Variants in SOBP observed in about 807,000 individuals in gnomAD.
SOBP encodes sine oculis-binding protein homolog.
A neutral mutation model predicts 53.6 loss-of-function variants in SOBP; 4 were observed. The observed-to-expected ratio is 0.07, with a 90% confidence interval of 0.04 to 0.17. The LOEUF (loss-of-function observed/expected upper bound fraction) is 0.17. Ranked by LOEUF, SOBP falls within the 10% of genes least tolerant of loss-of-function variation. The pLI is 1.00. For synonymous variants in SOBP, 584 were observed against 522.6 expected, an observed-to-expected ratio of 1.12 and a Z score of -1.60; for missense variants, 1,088 against 1,204.7, an observed-to-expected ratio of 0.90 and a Z score of 1.43.
At chr6:107,596,356 G>A (rs886377831) in intron 5 of SOBP, among the ~76,000 whole-genome samples, 10 of 152,092 alleles carry the variant, frequency 6.6e-5, no homozygotes, top group Non-Finnish European at 1.2e-4. Flanking sequence ...GGAGGTGGAC[G>A]CTTAAGAATT....
In SOBP at chr6:107,628,142, G is replaced by A. The variant is rs548186433; in HGVS notation, c.670-5372G>A. Among the ~76,000 whole-genome samples the A allele has an allele frequency of 9.8e-5, 15 of 152,372 alleles. No individual in the cohort carries two copies. In the East Asian group the frequency reaches 2.9e-3, roughly 29 times the overall value. On this transcript the variant is annotated intron_variant, in intron 5 of 6. Transcript: ENST00000317357. ...TTCAAACAGCAGTTGAGCCGAAGAGGAATGATTCATTTTAATGGTTCTAAC... is the reference window on the plus strand; with the variant it reads ...TTCAAACAGCAGTTGAGCCGAAGAGAAATGATTCATTTTAATGGTTCTAAC...
chr6:107,606,266 A>T (rs1014906836), intron 5 of SOBP, among the ~76,000 whole-genome samples: 30 of 151,742 alleles, frequency 2.0e-4, no homozygotes, highest in African/African-American at 7.3e-4. Flanking sequence ...TAGTAGAGAC[A>T]GGGTTTCACC....
chr6:107,579,123 T>C (rs1435194196), intron 4 of SOBP, among the ~76,000 whole-genome samples: 2 of 152,098 alleles, frequency 1.3e-5, no homozygotes, highest in African/African-American at 4.8e-5. Context: ...CCCTGGGTAA[T>C]AGATGCAAAT....
chr6:107,599,013 A>C (rs990387797), intron 5 of SOBP, among the ~76,000 whole-genome samples: 2 of 152,220 alleles, frequency 1.3e-5, no homozygotes, highest in African/African-American at 4.8e-5. Flanking sequence ...TTTAAACTAC[A>C]CAAATGCAAA....
chr6:107,618,610 A>G (rs1200347962), intron 5 of SOBP, among the ~76,000 whole-genome samples: 1 of 152,236 alleles, frequency 6.6e-6, no homozygotes, highest in Non-Finnish European at 1.5e-5. Context: ...TTTATTTAGC[A>G]TGACAGTTAA....
chr6:107,518,545 A>G (rs1783388185), intron 3 of SOBP, among the ~76,000 whole-genome samples: 1 of 152,224 alleles, frequency 6.6e-6, no homozygotes, highest in Non-Finnish European at 1.5e-5. Flanking sequence ...ACAAATGTGT[A>G]TATATGTGAG....
intron 4 of SOBP, among the ~76,000 whole-genome samples, chr6:107,536,505 T>G (rs993519168): frequency 1.1e-4 from 17 of 152,198 alleles, no homozygotes; most frequent in Admixed American, 1.1e-3. Flanking sequence ...GCTCTTGAAA[T>G]TTCTTTTGCC....
At chr6:107,585,186 A>G (rs1427452083) in intron 4 of SOBP, among the ~76,000 whole-genome samples, 3 of 152,176 alleles carry the variant, frequency 2.0e-5, no homozygotes, top group Admixed American at 2.0e-4. Flanking sequence ...CATCACTTAA[A>G]TGTTTGTTAA....
intron 1 of SOBP, among the ~76,000 whole-genome samples, chr6:107,493,613 G>C (rs1017354423): frequency 6.6e-6 from 1 of 152,204 alleles, no homozygotes; most frequent in Non-Finnish European, 1.5e-5. Context: ...AAGGACTGGT[G>C]TGTATGTGAT....
chr6:107,550,036 G>A (rs969123153), intron 4 of SOBP, among the ~76,000 whole-genome samples: 1 of 152,126 alleles, frequency 6.6e-6, no homozygotes, highest in African/African-American at 2.4e-5. Context: ...AGGCCAGTGG[G>A]GACAGGAAGG....
At chr6:107,588,744 G>A (rs1785650582) in intron 5 of SOBP, among the ~76,000 whole-genome samples, 1 of 152,208 alleles carries the variant, frequency 6.6e-6, no homozygotes, top group South Asian at 2.1e-4. Context: ...ACATATATGT[G>A]AACATCGTTT....
intron 4 of SOBP, among the ~76,000 whole-genome samples, chr6:107,548,022 T>TTACTAACTA (rs1784351044): frequency 6.6e-6 from 1 of 152,208 alleles, no homozygotes; most frequent in Admixed American, 6.5e-5. Context: ...TTTAGTTTGA[T>TTACTAACTA]GACTTTTTAC....
Position 107,490,436 on chromosome 6 carries a change from G to T in SOBP, c.-181G>T, listed in dbSNP as rs118072835. Reference sequence around the variant, plus strand: ...CAGCCACTGACGTCCTCCGCCGCTAGAAGAGACCCCGCTTCTCGGCGCCTG... The same window carrying T: ...CAGCCACTGACGTCCTCCGCCGCTATAAGAGACCCCGCTTCTCGGCGCCTG... On this transcript the variant is annotated 5_prime_UTR_variant, in exon 1 of 7. The change abolishes the stop of an existing upstream ORF in the 5' untranslated region. Transcript: ENST00000317357. The T allele has an allele frequency of 3.5e-6, 2 of 564,890 alleles. No individual in the cohort carries two copies. Among genetic ancestry groups the T allele is most frequent in the Non-Finnish European group, 6.3e-6 (2 of 317,750 alleles). 35.0% of individuals were successfully genotyped at this position (564,890 alleles called of 1,614,324 possible).
intron 2 of SOBP, among the ~76,000 whole-genome samples, chr6:107,504,554 G>A (rs1293936588): frequency 1.3e-5 from 2 of 152,190 alleles, no homozygotes; most frequent in Non-Finnish European, 2.9e-5. Flanking sequence ...AGAAGTATGT[G>A]AAGAAGCAGC....
chr6:107,634,605 C>T lies in SOBP; in HGVS notation c.1761C>T (p.Ser587=), dbSNP rs751613728. The change falls in exon 6 of 7, where the codon TCC becomes TCT. Residue 587 remains serine, a synonymous_variant. Transcript: ENST00000317357. This position sits in a 1 kb window ranked among gnomAD's most constrained non-coding sequence, Gnocchi z 4.5. The part of the protein sequence containing the change: ...PSGHSLSPRD[S]KQGSSKSADS... ...GACACTCCCTGTCCCCCCGGGACTC[C>T]AAGCAGGGCTCGTCCAAGTCCGCGG... is the stretch of plus-strand genomic sequence containing the variant. 8.1e-6 allele frequency: 13 copies of T among 1,599,782 alleles called. No homozygotes were observed. In the African/African-American group the frequency reaches 1.5e-4, roughly 18 times the overall value.
At chr6:107,621,667 T>G (rs1770184677) in intron 5 of SOBP, among the ~76,000 whole-genome samples, 1 of 152,214 alleles carries the variant, frequency 6.6e-6, no homozygotes, top group Admixed American at 6.5e-5. Context: ...ATATACCAGA[T>G]GCCATAAATG....
chr6:107,520,738 A>G (rs1322276551), intron 3 of SOBP, among the ~76,000 whole-genome samples: 2 of 152,178 alleles, frequency 1.3e-5, no homozygotes, highest in Non-Finnish European at 2.9e-5. Flanking sequence ...GACTTCTTAA[A>G]GTTCCTGTTA....
chr6:107,608,262 G>A (rs1786464030), intron 5 of SOBP, among the ~76,000 whole-genome samples: 2 of 152,182 alleles, frequency 1.3e-5, no homozygotes, highest in South Asian at 2.1e-4. Flanking sequence ...TTTGTGTGGT[G>A]TTGTTTCCCC....
chr6:107,560,707 G>T lies in SOBP; in HGVS notation c.574-26373G>T, dbSNP rs148348477. 1.5e-4 allele frequency among the ~76,000 whole-genome samples: 23 copies of T among 152,318 alleles called. No individual in the cohort carries two copies. In the East Asian group the frequency reaches 4.1e-3, roughly 27 times the overall value. On this transcript the variant is annotated intron_variant, in intron 4 of 6. Coordinates refer to ENST00000317357, the MANE Select transcript of SOBP (RefSeq NM_018013.4). ...ACAGGGGAGGCAACTGAGACTCAGA[G>T]AACTTAACCTACTCAATCAGACAGC... is the stretch of plus-strand genomic sequence containing the variant.
Sources: gnomAD v4.1 joint callset for allele counts (sites outside exome capture counted in the v4.1 genomes callset) on GRCh38, gnomAD v4.1.1 for gene constraint, Gnocchi (gnomAD v3.1) non-coding constraint, MANE v1.5 for transcripts, NCBI Gene and HGNC (gene_info 2026-07-23, HGNC 2026-07-21) for gene names.